The following GPHN variants were observed in gnomAD, a reference collection of about 807,000 sequenced individuals.
The protein encoded by GPHN is gephyrin.
In GPHN, 17 loss-of-function variants were observed where a neutral mutation model predicts 95.5. The observed-to-expected ratio is 0.18, with a 90% CI of 0.12 to 0.27. The LOEUF (loss-of-function observed/expected upper bound fraction) is 0.27. Among genes scored for constraint, GPHN ranks in the 10% least tolerant of loss-of-function variants. The pLI is 1.00. For missense variants in GPHN, 660 were observed against 978.1 expected, an observed-to-expected ratio of 0.67 and a Z score of 4.34; for synonymous variants, 320 against 322.5, an observed-to-expected ratio of 0.99 and a Z score of 0.08.
chr14:67,708,995 G>A, the GPHN span, among the ~76,000 whole-genome samples: 4 of 152,230 alleles, frequency 2.6e-5, no homozygotes, highest in East Asian at 7.7e-4. Context: ...GTTTCACCAC[G>A]TTGGCCAGGA....
At chr14:67,544,429 T>A in the GPHN span, among the ~76,000 whole-genome samples, 2 of 152,014 alleles carry the variant, frequency 1.3e-5, no homozygotes, top group Non-Finnish European at 2.9e-5. Flanking sequence ...TCACACAGGA[T>A]CCACACAGAA....
chr14:67,702,990 G>GT, the GPHN span, among the ~76,000 whole-genome samples: 25,829 of 148,950 alleles, frequency 0.17, 2,257 homozygotes, highest in African/African-American at 0.23. Context: ...ACTTAAAAAA[G>GT]TTTTTTTTTT....
At chr14:67,721,317 C>T in the GPHN span, among the ~76,000 whole-genome samples, 5 of 152,124 alleles carry the variant, frequency 3.3e-5, no homozygotes, top group Admixed American at 2.0e-4. Flanking sequence ...TCCAGAGGCA[C>T]GATCCTAGCT....
intron 3 of GPHN, among the ~76,000 whole-genome samples, chr14:66,802,772 AC>A (rs1484265825): frequency 6.6e-6 from 1 of 151,966 alleles, no homozygotes; most frequent in Non-Finnish European, 1.5e-5. Flanking sequence ...TAGAACGAGG[AC>A]CTCATGACTC....
At chr14:66,737,060 A>G (rs2072359095) in intron 2 of GPHN, among the ~76,000 whole-genome samples, 1 of 152,198 alleles carries the variant, frequency 6.6e-6, no homozygotes, top group East Asian at 1.9e-4. Flanking sequence ...AAATCTGCCT[A>G]GTAAGTTTTC....
chr14:67,162,789 A>G (rs563763618), intron 19 of GPHN, among the ~76,000 whole-genome samples: 2 of 152,346 alleles, frequency 1.3e-5, no homozygotes, highest in East Asian at 1.9e-4. Context: ...TACTAACGCT[A>G]CATAACCATC....
chr14:67,392,928 C>T, the GPHN span: 6 of 1,239,836 alleles, frequency 4.8e-6, no homozygotes, highest in Middle Eastern at 2.3e-4. Flanking sequence ...CCTCACTGAC[C>T]TTGGCCCTCT....
At chr14:67,021,808 C>G (rs1373180471) in intron 9 of GPHN, among the ~76,000 whole-genome samples, 1 of 152,088 alleles carries the variant, frequency 6.6e-6, no homozygotes, top group Non-Finnish European at 1.5e-5. Context: ...GAGGCTACGA[C>G]TTAAGAGTAA....
At chr14:66,826,032 C>T (rs968571219) in intron 4 of GPHN, among the ~76,000 whole-genome samples, 1 of 152,098 alleles carries the variant, frequency 6.6e-6, no homozygotes, top group Non-Finnish European at 1.5e-5. Context: ...TTTAGTAAAT[C>T]ACTTTGCGTT....
intron 8 of GPHN, among the ~76,000 whole-genome samples, chr14:66,956,176 G>T (rs1009672616): frequency 2.6e-5 from 4 of 152,074 alleles, no homozygotes; most frequent in Non-Finnish European, 5.9e-5. Context: ...GAAGATTAGT[G>T]TATTGATATG....
intron 10 of GPHN, among the ~76,000 whole-genome samples, chr14:67,034,051 G>A (rs79560500): frequency 0.012 from 1,834 of 152,270 alleles, 19 homozygotes; most frequent in Non-Finnish European, 0.018. Flanking sequence ...ACTAGACCTG[G>A]CTTACAAGAA....
the GPHN span, among the ~76,000 whole-genome samples, chr14:67,315,786 A>C: frequency 2.0e-5 from 3 of 152,302 alleles, no homozygotes; most frequent in South Asian, 2.1e-4. Context: ...TTAGCTGGGC[A>C]TGGTGGCGGG....
the GPHN span, chr14:67,582,266 C>T: frequency 6.2e-7 from 1 of 1,611,334 alleles, no homozygotes; most frequent in Non-Finnish European, 8.5e-7. This position sits in a 1 kb window ranked among gnomAD's most constrained non-coding sequence, Gnocchi z 5.0. Context: ...AATGAATGCA[C>T]CATGCAGCCT....
At chr14:67,343,314 CACG>C in the GPHN span, 19 of 1,346,724 alleles carry the variant, frequency 1.4e-5, no homozygotes, top group Non-Finnish European at 1.9e-5. Flanking sequence ...CTAGCAGTTT[CACG>C]ACAAGTGGAG....
At chr14:66,842,273 C>T (rs1220853329) in intron 4 of GPHN, among the ~76,000 whole-genome samples, 1 of 152,112 alleles carries the variant, frequency 6.6e-6, no homozygotes, top group African/African-American at 2.4e-5. Context: ...TTCTCATCCA[C>T]TTTCAAAGAG....
chr14:66,685,804 G>T (rs1247767471), intron 2 of GPHN, among the ~76,000 whole-genome samples: 1 of 152,178 alleles, frequency 6.6e-6, no homozygotes, highest in Non-Finnish European at 1.5e-5. Context: ...TGGTGTTTTA[G>T]ACATGAAGTC....
At chr14:67,476,417 T>C in the GPHN span, among the ~76,000 whole-genome samples, 1 of 152,130 alleles carries the variant, frequency 6.6e-6, no homozygotes, top group Middle Eastern at 3.4e-3. Flanking sequence ...TGAAACCCTG[T>C]CTCTACTAAA....
chr14:67,400,507 T>C, the GPHN span, among the ~76,000 whole-genome samples: 1 of 152,296 alleles, frequency 6.6e-6, no homozygotes, highest in South Asian at 2.1e-4. Context: ...CCATTTCCTA[T>C]GACCACCCCC....
chr14:67,092,731 A>G (rs1416355243), intron 12 of GPHN, among the ~76,000 whole-genome samples: 4 of 152,176 alleles, frequency 2.6e-5, no homozygotes, highest in South Asian at 4.1e-4. Flanking sequence ...ATAATATAAA[A>G]TAATAGGAAG....
Sources: gnomAD v4.1 joint callset for allele counts (sites outside exome capture counted in the v4.1 genomes callset) on GRCh38, gnomAD v4.1.1 for gene constraint, Gnocchi (gnomAD v3.1) non-coding constraint, MANE v1.5 for transcripts, NCBI Gene and HGNC (gene_info 2026-07-23, HGNC 2026-07-21) for gene names.